Variants in REEP5 observed in about 807,000 individuals in gnomAD.
REEP5 encodes the protein receptor expression-enhancing protein 5.
Under a neutral mutation model 22.4 loss-of-function variants are expected in REEP5, and 24 were observed. The ratio of observed to expected loss-of-function variants is 1.07; its 90% CI spans 0.78 to 1.51. The LOEUF (loss-of-function observed/expected upper bound fraction) is 1.51, where lower values mean the gene tolerates loss of function less well. Ranked by LOEUF, REEP5 falls within the 40% of genes most tolerant of loss-of-function variation. The pLI, the probability that REEP5 is intolerant of heterozygous loss-of-function variation, is 0.00. For missense variants in REEP5, 252 were observed against 233.0 expected, an observed-to-expected ratio of 1.08 and a Z score of -0.53; for synonymous variants, 103 against 88.6, an observed-to-expected ratio of 1.16 and a Z score of -0.92.
chr5:112,902,939 GAAT>G (rs1768882374), intron 2 of REEP5, among the ~76,000 whole-genome samples: 1 of 152,184 alleles, frequency 6.6e-6, no homozygotes, highest in African/African-American at 2.4e-5. Context: ...TATCATGGGT[GAAT>G]AAGAATTTCC....
At chr5:112,880,814 AAAG>A (rs1326260494) in intron 4 of REEP5, among the ~76,000 whole-genome samples, 1 of 152,198 alleles carries the variant, frequency 6.6e-6, no homozygotes, top group African/African-American at 2.4e-5. Context: ...AGGGAGAAGA[AAAG>A]AAAGCTCTTA....
intron 2 of REEP5, among the ~76,000 whole-genome samples, chr5:112,910,225 C>G (rs1769064285): frequency 6.6e-6 from 1 of 152,160 alleles, no homozygotes; most frequent in Non-Finnish European, 1.5e-5. Context: ...ATTACTTGAA[C>G]CCGGGAGGTG....
chr5:112,892,531 G>C, intron 3 of REEP5: 1 of 1,614,200 alleles, frequency 6.2e-7, no homozygotes, highest in Non-Finnish European at 8.5e-7. Flanking sequence ...ACGATGGTAT[G>C]CAGGACGACA....
At chr5:112,904,997 G>A (rs569765326) in intron 2 of REEP5, among the ~76,000 whole-genome samples, 32 of 152,104 alleles carry the variant, frequency 2.1e-4, no homozygotes, top group Non-Finnish European at 3.8e-4. Flanking sequence ...AAGAAGCCAG[G>A]AAAAGGCCAA....
At chr5:112,914,579 G>A (rs947282092) in intron 2 of REEP5, among the ~76,000 whole-genome samples, 3 of 152,152 alleles carry the variant, frequency 2.0e-5, no homozygotes, top group Non-Finnish European at 4.4e-5. Context: ...AAATCCCACT[G>A]GGACAACCCT....
chr5:112,914,733 G>A (rs1214404725), intron 2 of REEP5, among the ~76,000 whole-genome samples: 2 of 152,066 alleles, frequency 1.3e-5, no homozygotes, highest in East Asian at 1.9e-4. Flanking sequence ...CCTTAGATGC[G>A]GACCGCAGTC....
intron 4 of REEP5, among the ~76,000 whole-genome samples, chr5:112,879,251 T>G (rs142376470): frequency 0.013 from 1,968 of 150,110 alleles, 52 homozygotes; most frequent in African/African-American, 0.045. Flanking sequence ...TCATCATATT[T>G]ATCCCATGGC....
rs751281916 is a variant in REEP5 at position 112,892,468 on chromosome 5, G to A, written c.352-5285C>T. ...ACCTCACCTGAGGGGCAATGTATAT[G>A]TTCAGTACCAGTCGGAAGAAGAATG... On this transcript the variant is annotated intron_variant, in intron 3 of 4. Coordinates refer to ENST00000379638, the MANE Select transcript of REEP5 (RefSeq NM_005669.5). 9.9e-6 allele frequency: 16 copies of A among 1,614,148 alleles called. No individual in the cohort carries two copies. In the South Asian group the frequency reaches 1.8e-4, roughly 18 times the overall value.
At chr5:112,895,679 A>T (rs1437579324) in intron 3 of REEP5, 1 of 152,198 alleles carries the variant, frequency 6.6e-6, no homozygotes. Flanking sequence ...TTATGTTAAA[A>T]ATAAAGTTAA....
intron 2 of REEP5, among the ~76,000 whole-genome samples, chr5:112,915,877 A>AGT (rs10645800): frequency 0.049 from 6,191 of 126,276 alleles, 214 homozygotes; most frequent in East Asian, 0.13. Context: ...CATAATTACA[A>AGT]TTTAAAAAAA....
At chr5:112,915,164 G>A (rs1017734073) in intron 2 of REEP5, among the ~76,000 whole-genome samples, 2 of 151,624 alleles carry the variant, frequency 1.3e-5, no homozygotes, top group Non-Finnish European at 1.5e-5. Context: ...GGGAGGCTAC[G>A]ACAGAAAGAA....
At chr5:112,884,780 C>T (rs1461015516) in intron 4 of REEP5, among the ~76,000 whole-genome samples, 1 of 45,874 alleles carries the variant, frequency 2.2e-5, no homozygotes. Context: ...CAGTCCTTGG[C>T]CCCCCCCCAT....
At position 112,884,387 on chromosome 5, in the gene REEP5, AT is replaced by A. The variant is rs1328520628; in HGVS notation, c.520+2627del. On this transcript the variant is annotated intron_variant, in intron 4 of 4. Coordinates refer to ENST00000379638, the MANE Select transcript of REEP5 (RefSeq NM_005669.5). ...ATGGTTCCTTCTTTTACCATTTTCT[AT>A]TTTTTTTTTTTTTTAGGGGGATAGG... 7.3e-3 allele frequency among the ~76,000 whole-genome samples: 951 copies of A among 129,694 alleles called. 4 individuals are homozygous for A. The highest frequency in any genetic ancestry group is 8.3e-3 in the Admixed American group (107 of 12,932). 85.1% of individuals were successfully genotyped at this position (129,694 alleles called of 152,430 possible). A position where few individuals can be genotyped will look rare whatever the true frequency, so the allele number is the denominator to read the frequency against.
Position 112,921,539 on chromosome 5 carries a change from G to T in REEP5, c.119-283C>A, listed in dbSNP as rs375182901. ...CCCCCGGCGCCCGGGACGGTCCCAG[G>T]CACCCGCTTCCGCCCTCTCGCAGGG... On this transcript the variant is annotated intron_variant, in intron 1 of 4. Coordinates refer to ENST00000379638, the MANE Select transcript of REEP5 (RefSeq NM_005669.5). 3.4e-3 allele frequency: 1,738 copies of T among 509,424 alleles called. 47 individuals carry two copies. The South Asian group carries it at 0.036, about 10-fold the overall frequency. 31.6% of individuals were successfully genotyped at this position (509,424 alleles called of 1,614,324 possible).
chr5:112,904,060 G>A (rs1657553045), intron 2 of REEP5, among the ~76,000 whole-genome samples: 2 of 152,150 alleles, frequency 1.3e-5, no homozygotes, highest in Admixed American at 1.3e-4. Flanking sequence ...TCGAACTCCT[G>A]GCCTCAAGCA....
chr5:112,887,874 T>C (rs1017071872), intron 3 of REEP5, among the ~76,000 whole-genome samples: 3 of 152,240 alleles, frequency 2.0e-5, no homozygotes, highest in Non-Finnish European at 2.9e-5. Context: ...TTACTGTTGA[T>C]TCAAATAATA....
intron 4 of REEP5, among the ~76,000 whole-genome samples, chr5:112,881,128 CAAAAAAAAAAAAA>C (rs58737941): frequency 3.0e-5 from 2 of 67,204 alleles, no homozygotes; most frequent in African/African-American, 1.2e-4. Flanking sequence ...GACTCTGTTT[CAAAAAAAAAAAAA>C]AAAAAAAAAA....
chr5:112,914,781 C>T (rs560318707), intron 2 of REEP5, among the ~76,000 whole-genome samples: 13 of 152,238 alleles, frequency 8.5e-5, no homozygotes, highest in African/African-American at 2.4e-4. Context: ...ATCACTTGGT[C>T]TATCAGAGGC....
intron 3 of REEP5, among the ~76,000 whole-genome samples, chr5:112,889,829 A>ATT (rs35932072): frequency 0.015 from 2,044 of 139,306 alleles, 42 homozygotes; most frequent in Non-Finnish European, 0.022. Context: ...GAAAAAAAAA[A>ATT]TTTTTTTTTT....
Sources: allele counts gnomAD v4.1 joint callset (sites outside exome capture counted in the v4.1 genomes callset), GRCh38; gene constraint gnomAD v4.1.1; transcripts MANE v1.5; gene names NCBI Gene and HGNC (gene_info 2026-07-23, HGNC 2026-07-21).